The following RBFOX1 variants were observed in gnomAD, a reference collection of about 807,000 sequenced individuals.
RBFOX1 encodes the protein RNA binding protein fox-1 homolog 1.
In RBFOX1, 8 loss-of-function variants were observed where a neutral mutation model predicts 57.7. The ratio of observed to expected loss-of-function variants is 0.14; its 90% CI spans 0.08 to 0.25. RBFOX1 has a LOEUF of 0.25. Ranked by LOEUF, RBFOX1 falls within the 10% of genes least tolerant of loss-of-function variation. The pLI is 1.00. For missense variants in RBFOX1, 611 were observed against 548.5 expected (o/e 1.11, Z -1.14); for synonymous variants, 326 against 222.4 (o/e 1.47, Z -4.15).
intron 3 of RBFOX1, among the ~76,000 whole-genome samples, chr16:5,665,143 G>GGGGTT: frequency 7.4e-6 from 1 of 135,998 alleles, no homozygotes; most frequent in African/African-American, 2.8e-5. Flanking sequence ...GGGGGGGGCG[G>GGGGTT]TCTTGCTATA....
intron 3 of RBFOX1, among the ~76,000 whole-genome samples, chr16:5,729,912 G>A (rs2052300140): frequency 6.6e-6 from 1 of 152,292 alleles, no homozygotes; most frequent in East Asian, 1.9e-4. Context: ...CTAAGCTCAG[G>A]GAAGCTGCTT....
At chr16:6,785,509 A>G (rs561690453) in intron 3 of RBFOX1, among the ~76,000 whole-genome samples, 3 of 152,236 alleles carry the variant, frequency 2.0e-5, no homozygotes, top group African/African-American at 4.8e-5. Flanking sequence ...TTTCCATCCT[A>G]CCTTCCCCAA....
chr16:5,450,459 C>T (rs62016400), intron 1 of RBFOX1, among the ~76,000 whole-genome samples: 62,392 of 151,980 alleles, frequency 0.41, 13,508 homozygotes, highest in Non-Finnish European at 0.47. Flanking sequence ...TTCTCTCATG[C>T]TCGAACCCTG....
chr16:7,029,433 T>C (rs2042224872), intron 3 of RBFOX1, among the ~76,000 whole-genome samples: 1 of 151,754 alleles, frequency 6.6e-6, no homozygotes, highest in Non-Finnish European at 1.5e-5. Flanking sequence ...TTGTCTTCTC[T>C]GTCAAGAAAA....
intron 3 of RBFOX1, among the ~76,000 whole-genome samples, chr16:6,797,981 G>T (rs773112015): frequency 1.8e-4 from 27 of 152,176 alleles, no homozygotes; most frequent in East Asian, 1.9e-4. Flanking sequence ...TGGTGATAGC[G>T]GTGATGGTGA....
intron 1 of RBFOX1, among the ~76,000 whole-genome samples, chr16:5,426,144 T>G (rs77312815): frequency 0.025 from 3,849 of 152,232 alleles, 77 homozygotes; most frequent in East Asian, 0.048. Context: ...AGTGAGTCCA[T>G]TCTTCATGGA....
intron 3 of RBFOX1, among the ~76,000 whole-genome samples, chr16:6,804,904 CA>C (rs2086364575): frequency 1.3e-5 from 2 of 152,082 alleles, no homozygotes; most frequent in African/African-American, 2.4e-5. Flanking sequence ...AACTGAAAAA[CA>C]AAAAGCGAGA....
intron 3 of RBFOX1, among the ~76,000 whole-genome samples, chr16:5,705,217 A>G (rs1333038566): frequency 6.6e-6 from 1 of 152,146 alleles, no homozygotes; most frequent in Non-Finnish European, 1.5e-5. Context: ...TTCCATCAGC[A>G]CCAAAACCAG....
At chr16:6,549,809 A>G (rs1260914799) in intron 2 of RBFOX1, among the ~76,000 whole-genome samples, 1 of 152,054 alleles carries the variant, frequency 6.6e-6, no homozygotes, top group African/African-American at 2.4e-5. Flanking sequence ...TGGTTTTCCA[A>G]AGTAAAAGAT....
chr16:5,269,958 C>G (rs954579012), intron 1 of RBFOX1, among the ~76,000 whole-genome samples: 18 of 151,940 alleles, frequency 1.2e-4, no homozygotes, highest in Non-Finnish European at 2.4e-4. Flanking sequence ...AGTTCCAGGC[C>G]AGCGTTGGCA....
intron 4 of RBFOX1, among the ~76,000 whole-genome samples, chr16:7,493,655 G>A (rs1460508673): frequency 6.6e-6 from 1 of 152,182 alleles, no homozygotes; most frequent in Non-Finnish European, 1.5e-5. Context: ...TGGAGAAAGA[G>A]ACCACAAGGT....
intron 1 of RBFOX1, among the ~76,000 whole-genome samples, chr16:5,249,632 CT>C (rs1235970643): frequency 6.6e-6 from 1 of 152,152 alleles, no homozygotes; most frequent in Non-Finnish European, 1.5e-5. Flanking sequence ...TTTTGTTCTG[CT>C]TATTAAAAAT....
chr16:7,121,278 A>G (rs2067121202), intron 4 of RBFOX1, among the ~76,000 whole-genome samples: 1 of 152,120 alleles, frequency 6.6e-6, no homozygotes, highest in African/African-American at 2.4e-5. Flanking sequence ...ATAAGGAAGA[A>G]AAAGAATTAT....
intron 4 of RBFOX1, among the ~76,000 whole-genome samples, chr16:7,507,954 C>G (rs184970696): frequency 1.3e-5 from 2 of 151,966 alleles, no homozygotes; most frequent in East Asian, 2.0e-4. Flanking sequence ...TTGTTTCCAG[C>G]TGAAACTCTT....
intron 4 of RBFOX1, among the ~76,000 whole-genome samples, chr16:5,901,859 C>G (rs1333000129): frequency 1.3e-5 from 2 of 152,112 alleles, no homozygotes; most frequent in East Asian, 1.9e-4. Context: ...GCTGAAAATT[C>G]CTTCCCTCAA....
intron 4 of RBFOX1, among the ~76,000 whole-genome samples, chr16:7,345,296 G>T (rs1291639192): frequency 6.6e-6 from 1 of 152,046 alleles, no homozygotes; most frequent in Non-Finnish European, 1.5e-5. Flanking sequence ...TTGTTTTGGC[G>T]AGCAGTGTAA....
chr16:6,151,361 C>T (rs1256029521), intron 1 of RBFOX1, among the ~76,000 whole-genome samples: 1 of 152,186 alleles, frequency 6.6e-6, no homozygotes. Context: ...TCTCGGCTCA[C>T]TGCAACCTCT....
chr16:6,846,716 G>A (rs955000423), intron 3 of RBFOX1, among the ~76,000 whole-genome samples: 1 of 152,138 alleles, frequency 6.6e-6, no homozygotes, highest in Non-Finnish European at 1.5e-5. Flanking sequence ...GGGAGAATAA[G>A]GCTGAGCTCT....
chr16:6,368,249 C>G (rs942413741), intron 2 of RBFOX1, among the ~76,000 whole-genome samples: 6 of 152,180 alleles, frequency 3.9e-5, no homozygotes, highest in Admixed American at 2.6e-4. Flanking sequence ...CTGGATCTCT[C>G]TTAATCCAGG....
Sources: allele counts gnomAD v4.1 joint callset (sites outside exome capture counted in the v4.1 genomes callset), GRCh38; gene constraint gnomAD v4.1.1; transcripts MANE v1.5; gene names NCBI Gene and HGNC (gene_info 2026-07-23, HGNC 2026-07-21).